Variants in MLLT10 observed in about 807,000 individuals in gnomAD.
MLLT10 encodes protein AF-10.
A neutral mutation model predicts 129.1 loss-of-function variants in MLLT10; 30 were observed. The ratio of observed to expected loss-of-function variants is 0.23; its 90% CI spans 0.17 to 0.32. The LOEUF (loss-of-function observed/expected upper bound fraction) is 0.32. Among genes scored for constraint, MLLT10 ranks in the 10% least tolerant of loss-of-function variants. The pLI, the probability that MLLT10 is intolerant of heterozygous loss-of-function variation, is 1.00. For synonymous variants in MLLT10, 490 were observed against 446.4 expected (o/e 1.10, Z -1.23); for missense variants, 1,119 against 1,268.3 (o/e 0.88, Z 1.79).
chr10:21,634,238 A>G (rs1217081736), intron 8 of MLLT10, among the ~76,000 whole-genome samples: 1 of 152,108 alleles, frequency 6.6e-6, no homozygotes, highest in Non-Finnish European at 1.5e-5. Flanking sequence ...CTCAAAAAAT[A>G]AAACAGTTAC....
chr10:21,551,719 A>T lies in MLLT10; in HGVS notation c.240+12807A>T, dbSNP rs886491049. On this transcript the variant is annotated intron_variant, in intron 3 of 22. Transcript: ENST00000307729. ...GATGTACTTTGATAAATTGCCTAGCATATGGTATCTGTTTATTCTGTTTTT... is the reference window on the plus strand; with the variant it reads ...GATGTACTTTGATAAATTGCCTAGCTTATGGTATCTGTTTATTCTGTTTTT... The T allele has an allele frequency of 1.7e-5, 6 of 360,410 alleles. No individual in the cohort carries two copies. The East Asian group carries it at 5.7e-4, about 34-fold the overall frequency. The allele number at this position is 360,410 out of a possible 1,614,324, so 22.3% of individuals were successfully genotyped here.
chr10:21,674,037 T>A, intron 11 of MLLT10, 118 bp downstream of exon 11: 1 of 768,852 alleles, frequency 1.3e-6, no homozygotes, highest in Non-Finnish European at 1.9e-6. Flanking sequence ...GACATTTAAT[T>A]AAAGTGAAAT....
At chr10:21,558,742 G>A (rs977113814) in intron 3 of MLLT10, among the ~76,000 whole-genome samples, 2 of 151,876 alleles carry the variant, frequency 1.3e-5, no homozygotes, top group Non-Finnish European at 2.9e-5. Flanking sequence ...TATTTGTTTT[G>A]ACACTATTCC....
intron 8 of MLLT10, among the ~76,000 whole-genome samples, chr10:21,617,592 A>G (rs899581962): frequency 1.8e-4 from 28 of 152,100 alleles, no homozygotes; most frequent in Admixed American, 5.2e-4. Flanking sequence ...TTGAAGTTCT[A>G]TATATTCTTG....
chr10:21,712,130 G>C (rs2056151798), intron 13 of MLLT10, among the ~76,000 whole-genome samples: 1 of 152,108 alleles, frequency 6.6e-6, no homozygotes, highest in Non-Finnish European at 1.5e-5. Flanking sequence ...TTTTTAAAAT[G>C]TCCCAGTTGT....
At chr10:21,640,651 G>A (rs893141659) in intron 8 of MLLT10, among the ~76,000 whole-genome samples, 2 of 152,172 alleles carry the variant, frequency 1.3e-5, no homozygotes, top group East Asian at 3.9e-4. Context: ...TAGACAGTAA[G>A]CATAGCTGAC....
chr10:21,568,693 C>T (rs1012113771), intron 3 of MLLT10, among the ~76,000 whole-genome samples: 28 of 151,758 alleles, frequency 1.8e-4, no homozygotes, highest in African/African-American at 1.2e-4. Context: ...GCTGGAGTGC[C>T]GCAGCGAGAT....
At chr10:21,543,051 C>T (rs750608761) in intron 3 of MLLT10, among the ~76,000 whole-genome samples, 8 of 152,008 alleles carry the variant, frequency 5.3e-5, no homozygotes, top group Admixed American at 1.3e-4. Context: ...ATCCGCCTCC[C>T]GGGTTCAAGT....
Position 21,617,227 on chromosome 10 carries a change from C to A in MLLT10, c.699+20C>A. The A allele has an allele frequency of 7.1e-7, 1 of 1,398,722 alleles. No individual in the cohort carries two copies. The highest frequency in any genetic ancestry group is 9.6e-7 in the Non-Finnish European group (1 of 1,045,250). The allele number at this position is 1,398,722 out of a possible 1,614,324, so 86.6% of individuals were successfully genotyped here. A position where few individuals can be genotyped will look rare whatever the true frequency, so the allele number is the denominator to read the frequency against. ...AAAAAAGTAAGTGGATTTGTTGTTGCTAAATTTGTAGCACATCTACTTAAT... is the reference window on the plus strand; with the variant it reads ...AAAAAAGTAAGTGGATTTGTTGTTGATAAATTTGTAGCACATCTACTTAAT... On this transcript the variant is annotated intron_variant, in intron 8 of 22. Coordinates refer to ENST00000307729, the MANE Select transcript of MLLT10 (RefSeq NM_001195626.3).
chr10:21,666,352 A>G (rs1031256046), intron 9 of MLLT10, among the ~76,000 whole-genome samples: 2 of 151,938 alleles, frequency 1.3e-5, no homozygotes, highest in African/African-American at 4.8e-5. Context: ...CTTTTGCTCT[A>G]TATCATCTGT....
At chr10:21,622,153 C>CTTTTTTTTT (rs71393915) in intron 8 of MLLT10, among the ~76,000 whole-genome samples, 3 of 99,816 alleles carry the variant, frequency 3.0e-5, no homozygotes, top group East Asian at 2.5e-4. Flanking sequence ...TTTGTTTTTC[C>CTTTTTTTTT]TTTTTTTTTT....
intron 13 of MLLT10, chr10:21,688,420 A>C: frequency 7.7e-7 from 1 of 1,303,154 alleles, no homozygotes; most frequent in Non-Finnish European, 1.1e-6. Flanking sequence ...CAGTTTTTCA[A>C]CTTGTCTGTC....
intron 9 of MLLT10, among the ~76,000 whole-genome samples, chr10:21,657,431 C>T (rs1002650901): frequency 1.4e-5 from 2 of 145,536 alleles, no homozygotes; most frequent in East Asian, 2.1e-4. Flanking sequence ...AGAAAGTCTT[C>T]GTTTTGACCT....
At chr10:21,659,774 G>A (rs1469754992) in intron 9 of MLLT10, among the ~76,000 whole-genome samples, 1 of 152,128 alleles carries the variant, frequency 6.6e-6, no homozygotes, top group Admixed American at 6.5e-5. Flanking sequence ...GCCTCCCAAA[G>A]TGCTGGGATT....
At position 21,613,610 on chromosome 10, in the gene MLLT10, A is replaced by C. The variant is rs555010363; in HGVS notation, c.509+1159A>C. On this transcript the variant is annotated intron_variant, in intron 6 of 22. Coordinates refer to ENST00000307729, the MANE Select transcript of MLLT10 (RefSeq NM_001195626.3). ...GAAACTTCAGCGTTTTGTGTTTTTAAAAATGAATATGCTAGGCACTGTGGC... is the reference window on the plus strand; with the variant it reads ...GAAACTTCAGCGTTTTGTGTTTTTACAAATGAATATGCTAGGCACTGTGGC... 2.0e-5 allele frequency among the ~76,000 whole-genome samples: 3 copies of C among 152,338 alleles called. No homozygotes were observed. In the East Asian group the frequency reaches 5.8e-4, roughly 29 times the overall value.
intron 4 of MLLT10, among the ~76,000 whole-genome samples, chr10:21,586,852 C>A (rs148170126): frequency 6.6e-6 from 1 of 151,488 alleles, no homozygotes; most frequent in Admixed American, 6.6e-5. Context: ...ATACCATTGC[C>A]CATTAGCCTG....
chr10:21,534,381 G>A lies in MLLT10; in HGVS notation c.-140G>A. 2 of 437,064 alleles carry A rather than the reference G, an allele frequency of 4.6e-6. No individual in the cohort carries two copies. Among genetic ancestry groups the A allele is most frequent in the South Asian group, 5.2e-5 (1 of 19,122 alleles). 27.1% of individuals were successfully genotyped at this position (437,064 alleles called of 1,614,324 possible). A position where few individuals can be genotyped will look rare whatever the true frequency, so the allele number is the denominator to read the frequency against. Reference sequence around the variant, plus strand: ...GCCCTCTCCGGGCGCCCGCGTTAGCGGCCGGGTGGAGGTGGGGAGGGAAGA... The same window carrying A: ...GCCCTCTCCGGGCGCCCGCGTTAGCAGCCGGGTGGAGGTGGGGAGGGAAGA... On this transcript the variant is annotated 5_prime_UTR_variant, in exon 1 of 23. Coordinates refer to ENST00000307729, the MANE Select transcript of MLLT10 (RefSeq NM_001195626.3).
At chr10:21,688,500 A>T in intron 13 of MLLT10, 13 of 1,612,652 alleles carry the variant, frequency 8.1e-6, no homozygotes, top group Non-Finnish European at 1.1e-5. Context: ...GACAGAGGTG[A>T]CAGTTCTACA....
At chr10:21,536,021 C>G (rs1736749040) in intron 2 of MLLT10, among the ~76,000 whole-genome samples, 1 of 152,212 alleles carries the variant, frequency 6.6e-6, no homozygotes, top group South Asian at 2.1e-4. Flanking sequence ...TTACTGCAAC[C>G]TCTGCCTCCT....
Sources: allele counts gnomAD v4.1 joint callset (sites outside exome capture counted in the v4.1 genomes callset), GRCh38; gene constraint gnomAD v4.1.1; transcripts MANE v1.5; gene names NCBI Gene and HGNC (gene_info 2026-07-23, HGNC 2026-07-21).